SCARF1: variants seen among roughly 807,000 people sequenced by gnomAD.
SCARF1 encodes scavenger receptor class F member 1, also known as acetyl LDL receptor.
SCARF1 carries 49 observed loss-of-function variants against 76.3 expected under a neutral mutation model. That is an observed-to-expected ratio of 0.64 (90% CI 0.51 to 0.81). The LOEUF is 0.81. SCARF1 is among the 40% of genes least tolerant of loss of function. The probability of loss-of-function intolerance (pLI) is 0.00; values close to 1 mark genes in which losing one functional copy is unlikely to be tolerated. For missense variants in SCARF1, 1,098 were observed against 1,143.9 expected, an observed-to-expected ratio of 0.96 and a Z score of 0.58; for synonymous variants, 495 against 474.6, an observed-to-expected ratio of 1.04 and a Z score of -0.56.
chr17:1,638,561 T>A, intron 8 of SCARF1: 1 of 350,454 alleles, frequency 2.9e-6, no homozygotes, highest in Non-Finnish European at 5.1e-6. Context: ...CTCCAGTGTC[T>A]CCAGGCCACG....
rs1909891655 is a variant in SCARF1, at chr17:1,639,912, C to CAG, written c.1138_1139insCT (p.Ser380ThrfsTer88). 2 of 1,613,088 alleles carry CAG rather than the reference C, an allele frequency of 1.2e-6. No individual in the cohort carries two copies. Among genetic ancestry groups the CAG allele is most frequent in the African/African-American group, 2.7e-5 (2 of 74,918 alleles). On this transcript the variant is annotated frameshift_variant and splice_region_variant, in exon 6 of 11. Transcript: ENST00000263071. LOFTEE classifies it high-confidence loss of function. Reference sequence around the variant, plus strand: ...CCGCCCCCGGGATCCCCATCCTTACCTGGGCCCCCAGTAGCCGGCACTGCA... The same window carrying CAG: ...CCGCCCCCGGGATCCCCATCCTTACCAGTGGGCCCCCAGTAGCCGGCACTGCA...
chr17:1,643,656 G>T lies in SCARF1; in HGVS notation c.577C>A (p.Arg193Ser). Residue 193 changes from arginine to serine, a missense_variant, in exon 4 of 11, where the codon CGC becomes AGC. Physicochemically the swap from Arg to Ser is moderately radical, Grantham distance 110 (BLOSUM62 -1). Transcript: ENST00000263071. Reference protein sequence around the residue: ...PGWWGRRCSFRCNCHGSPCEQ... With the variant: ...PGWWGRRCSFSCNCHGSPCEQ... ...CACGGGGAGCCGTGGCAGTTGCAGCGGAAGCTGCAGCGGCGCCCCCACCAG... is the reference window on the plus strand; with the variant it reads ...CACGGGGAGCCGTGGCAGTTGCAGCTGAAGCTGCAGCGGCGCCCCCACCAG... 1 of 1,471,454 alleles carries T rather than the reference G, an allele frequency of 6.8e-7. No individual in the cohort carries two copies. The highest frequency in any genetic ancestry group is 8.9e-7 in the Non-Finnish European group (1 of 1,118,878). 91.1% of individuals were successfully genotyped at this position (1,471,454 alleles called of 1,614,324 possible).
At chr17:1,639,173 C>A (rs535610036) in intron 7 of SCARF1, among the ~76,000 whole-genome samples, 1 of 152,296 alleles carries the variant, frequency 6.6e-6, no homozygotes, top group African/African-American at 2.4e-5. Context: ...GTCACATCTT[C>A]AGGGGGCCCC....
rs780169571 is a variant in SCARF1, at chr17:1,634,720, A to T, written c.*38T>A. The T allele has an allele frequency of 9.7e-6, 15 of 1,549,664 alleles. 1 individual carries two copies. The South Asian group carries it at 1.8e-4, about 19-fold the overall frequency. On this transcript the variant is annotated 3_prime_UTR_variant, in exon 11 of 11. Coordinates refer to ENST00000263071, the MANE Select transcript of SCARF1 (RefSeq NM_003693.4). The stretch of plus-strand genomic sequence containing the variant: ...CATTTTCCAGCACACAGCACAGTCT[A>T]GTCCATCCACTCTCCCCACTCCCCA...
rs754452399 is a variant in SCARF1, at chr17:1,640,497, G to A, written c.961C>T (p.Pro321Ser). The A allele has an allele frequency of 1.1e-5, 18 of 1,581,324 alleles. No homozygotes were observed. In the Admixed American group the frequency reaches 3.2e-4, roughly 28 times the overall value. The change falls in exon 5 of 11, where the codon CCA becomes TCA. Residue 321 changes from proline (P) to serine (S), a missense_variant. Coordinates refer to ENST00000263071, the MANE Select transcript of SCARF1 (RefSeq NM_003693.4). The surrounding 1 kb of genome is among the most constrained non-coding windows in gnomAD (Gnocchi z 4.7). ...CAGCGCTGACAGTGGCCAGTATCTGGCTCACAGGCCTCCCCATGTCGGCAG... is the reference window on the plus strand; with the variant it reads ...CAGCGCTGACAGTGGCCAGTATCTGACTCACAGGCCTCCCCATGTCGGCAG... The part of the protein sequence containing the change: ...PHCRHGEACE[P>S]DTGHCQRCDP...
chr17:1,637,239 G>C (rs1010859349), intron 8 of SCARF1, among the ~76,000 whole-genome samples, 177 bp from the exon 9 acceptor site: 1 of 152,094 alleles, frequency 6.6e-6, no homozygotes, highest in Non-Finnish European at 1.5e-5. Flanking sequence ...ACAGAACAAA[G>C]AGTGGCTCTA....
Position 1,634,995 on chromosome 17 carries a change from C to G in SCARF1, c.2256G>C (p.Gln752His). The change falls in exon 11 of 11, where the codon CAG (glutamine) becomes CAC (histidine). Residue 752 changes from glutamine (Q) to histidine (H), a missense_variant. Coordinates refer to ENST00000263071, the MANE Select transcript of SCARF1 (RefSeq NM_003693.4). ...CAGCTTTTGGGGCTGAGTTGGGGCT[C>G]TGGCCGACAGAGCCAGAGGCAAGGC... Reference protein sequence around the residue: ...SPGLASGSVGQSPNSAPKAGL... With the variant: ...SPGLASGSVGHSPNSAPKAGL... 1 of 1,613,886 alleles carries G rather than the reference C, an allele frequency of 6.2e-7. No individual in the cohort carries two copies. Among genetic ancestry groups the G allele is most frequent in the African/African-American group, 1.3e-5 (1 of 75,066 alleles).
chr17:1,640,679 G>C lies in SCARF1; in HGVS notation c.792-13C>G. 2 of 1,606,770 alleles carry C rather than the reference G, an allele frequency of 1.2e-6. No homozygotes were observed. Among genetic ancestry groups the C allele is most frequent in the African/African-American group, 2.7e-5 (2 of 74,864 alleles). ...GCAGCGGCCACAGCTGGGAAGAGAAGGGCTTCGTGGGAACAGTGGGGGTGG... is the reference window on the plus strand; with the variant it reads ...GCAGCGGCCACAGCTGGGAAGAGAACGGCTTCGTGGGAACAGTGGGGGTGG... On this transcript the variant is annotated splice_polypyrimidine_tract_variant and intron_variant, in intron 4 of 10. Transcript: ENST00000263071. This position sits in a 1 kb window ranked among gnomAD's most constrained non-coding sequence, Gnocchi z 4.7.
In SCARF1 at chr17:1,645,391, C is replaced by T; in HGVS notation, c.102-152G>A. 4 of 1,384,658 alleles carry T rather than the reference C, an allele frequency of 2.9e-6. No individual in the cohort carries two copies. The highest frequency in any genetic ancestry group is 3.9e-6 in the Non-Finnish European group (4 of 1,019,294). 85.8% of individuals were successfully genotyped at this position (1,384,658 alleles called of 1,614,324 possible). On this transcript the variant is annotated intron_variant, in intron 1 of 10. Transcript: ENST00000263071. The surrounding 1 kb of genome is among the most constrained non-coding windows in gnomAD (Gnocchi z 6.3). ...TTTACAGCTAGGGTCCCCAGCCCCT[C>T]CCCTCTCCTTCCCTGACCCTTCCAC...
chr17:1,635,517 G>A lies in SCARF1; in HGVS notation c.1734C>T (p.Arg578=), dbSNP rs1308700052. The change falls in exon 11 of 11, where the codon CGC becomes CGT. Residue 578 remains arginine, a synonymous_variant. Coordinates refer to ENST00000263071, the MANE Select transcript of SCARF1 (RefSeq NM_003693.4). ...EDASTPFAIP[R]TSSLARAKRP... Reference sequence around the variant, plus strand: ...GCTTGGCCCGAGCTAGGCTGGAGGTGCGCGGGATGGCGAATGGCGTGGAGG... The same window carrying A: ...GCTTGGCCCGAGCTAGGCTGGAGGTACGCGGGATGGCGAATGGCGTGGAGG... 17 of 1,613,662 alleles carry A rather than the reference G, an allele frequency of 1.1e-5. No individual in the cohort carries two copies. Among genetic ancestry groups the A allele is most frequent in the Non-Finnish European group, 1.4e-5 (16 of 1,179,984 alleles).
Position 1,645,511 on chromosome 17 carries a change from G to T in SCARF1, c.101+86C>A. ...TTCCTAGTCTCCTCCTTCCCCTAAC[G>T]GCCTCAACACCGGTTCAGCCACCCG... is the stretch of plus-strand genomic sequence containing the variant. On this transcript the variant is annotated intron_variant, in intron 1 of 10. Coordinates refer to ENST00000263071, the MANE Select transcript of SCARF1 (RefSeq NM_003693.4). The surrounding 1 kb of genome is among the most constrained non-coding windows in gnomAD (Gnocchi z 6.3). The T allele has an allele frequency of 6.5e-7, 1 of 1,542,672 alleles. No homozygotes were observed. The highest frequency in any genetic ancestry group is 8.7e-7 in the Non-Finnish European group (1 of 1,150,934).
rs890255581 is a variant in SCARF1, at chr17:1,643,716, C to G, written c.517G>C (p.Glu173Gln). Residue 173 changes from glutamate to glutamine, a missense_variant, in exon 4 of 11, where the codon GAG becomes CAG. By Grantham distance (29) the Glu-to-Gln change is conservative. Transcript: ENST00000263071. ...CQCNTAAARC[E>Q]QATGACVCKP... Reference sequence around the variant, plus strand: ...CACACGCAGGCGCCCGTGGCCTGCTCGCAGCGCGCCGCCGCGGTGTTGCAC... The same window carrying G: ...CACACGCAGGCGCCCGTGGCCTGCTGGCAGCGCGCCGCCGCGGTGTTGCAC... 1 of 1,336,398 alleles carries G rather than the reference C, an allele frequency of 7.5e-7. No individual in the cohort carries two copies. Among genetic ancestry groups the G allele is most frequent in the Non-Finnish European group, 9.5e-7 (1 of 1,050,820 alleles). The allele number at this position is 1,336,398 out of a possible 1,614,324, so 82.8% of individuals were successfully genotyped here.
In SCARF1 at chr17:1,636,886, G is replaced by A. The variant is rs376235616; in HGVS notation, c.1487-31C>T. 5.6e-5 allele frequency: 91 copies of A among 1,613,742 alleles called. No homozygotes were observed. The African/African-American group carries it at 1.1e-3, about 20-fold the overall frequency. On this transcript the variant is annotated intron_variant, in intron 9 of 10. Coordinates refer to ENST00000263071, the MANE Select transcript of SCARF1 (RefSeq NM_003693.4). ...GAGACTCCAGATCAGGCGCCTGCAG[G>A]ACCTGATGCAAAGCCCTGTCCAATC...
rs1323272769 is a variant in SCARF1, at chr17:1,640,276, C to G, written c.1010+172G>C. ...GCCTCAGAGGGGAGGGAGCTGGGATCCTGCCCAGGCCCCCCCAGAACCCAC... is the reference window on the plus strand; with the variant it reads ...GCCTCAGAGGGGAGGGAGCTGGGATGCTGCCCAGGCCCCCCCAGAACCCAC... On this transcript the variant is annotated intron_variant, in intron 5 of 10. Transcript: ENST00000263071. The surrounding 1 kb of genome is among the most constrained non-coding windows in gnomAD (Gnocchi z 4.7). The G allele has an allele frequency of 3.9e-6, 3 of 774,668 alleles. No homozygotes were observed. In the East Asian group the frequency reaches 8.1e-5, roughly 21 times the overall value. 48.0% of individuals were successfully genotyped at this position (774,668 alleles called of 1,614,324 possible). A position where few individuals can be genotyped will look rare whatever the true frequency, so the allele number is the denominator to read the frequency against.
chr17:1,637,662 G>A (rs921882629), intron 8 of SCARF1, among the ~76,000 whole-genome samples: 1 of 152,058 alleles, frequency 6.6e-6, no homozygotes, highest in African/African-American at 2.4e-5. Context: ...AGTAGAGACG[G>A]GGTTTCACCA....
In SCARF1 at chr17:1,634,265, T is replaced by G. The variant is rs1909321715; in HGVS notation, c.*493A>C. 1 of 193,480 alleles carries G rather than the reference T, an allele frequency of 5.2e-6. No homozygotes were observed. The highest frequency in any genetic ancestry group is 1.2e-4 in the East Asian group (1 of 8,344). The allele number at this position is 193,480 out of a possible 1,614,324, so 12.0% of individuals were successfully genotyped here. The stretch of plus-strand genomic sequence containing the variant: ...TTAGCCAAGCGTGGTGGAGGGCACC[T>G]GTAGTCCCAGCTACTCGGGAGGCTG... On this transcript the variant is annotated 3_prime_UTR_variant, in exon 11 of 11. Coordinates refer to ENST00000263071, the MANE Select transcript of SCARF1 (RefSeq NM_003693.4).
Position 1,645,730 on chromosome 17 carries a change from T to G in SCARF1, c.-33A>C, listed in dbSNP as rs1266515653. ...AGCTCGGTGGGAGCGCTCGGGTTCGTCTGGCCCCCACAGCTCCCAACCCCC... is the reference window on the plus strand; with the variant it reads ...AGCTCGGTGGGAGCGCTCGGGTTCGGCTGGCCCCCACAGCTCCCAACCCCC... On this transcript the variant is annotated 5_prime_UTR_variant, in exon 1 of 11. Coordinates refer to ENST00000263071, the MANE Select transcript of SCARF1 (RefSeq NM_003693.4). The surrounding 1 kb of genome is among the most constrained non-coding windows in gnomAD (Gnocchi z 6.3). 5.8e-6 allele frequency: 9 copies of G among 1,561,790 alleles called. No homozygotes were observed. Among genetic ancestry groups the G allele is most frequent in the African/African-American group, 1.4e-5 (1 of 73,602 alleles).
intron 7 of SCARF1, among the ~76,000 whole-genome samples, chr17:1,639,243 C>T (rs374557168): frequency 5.9e-5 from 9 of 152,348 alleles, no homozygotes; most frequent in South Asian, 2.1e-4. Context: ...CAGTGGCTCA[C>T]GTCTGTAATC....
In SCARF1 at chr17:1,640,221, C is replaced by T. The variant is rs1909924014; in HGVS notation, c.1011-181G>A. 1 of 806,716 alleles carries T rather than the reference C, an allele frequency of 1.2e-6. No homozygotes were observed. The highest frequency in any genetic ancestry group is 1.7e-5 in the African/African-American group (1 of 57,750). The allele number at this position is 806,716 out of a possible 1,614,324, so 50.0% of individuals were successfully genotyped here. A position where few individuals can be genotyped will look rare whatever the true frequency, so the allele number is the denominator to read the frequency against. The stretch of plus-strand genomic sequence containing the variant: ...GCCAAATCCAGCAGGTGACAGACTA[C>T]AAGTCCCCAGAGGGCGAGGAGGGCA... On this transcript the variant is annotated intron_variant, in intron 5 of 10. Transcript: ENST00000263071. The surrounding 1 kb of genome is among the most constrained non-coding windows in gnomAD (Gnocchi z 4.7).
Sources: gnomAD v4.1 joint callset for allele counts (sites outside exome capture counted in the v4.1 genomes callset) on GRCh38, gnomAD v4.1.1 for gene constraint, Gnocchi (gnomAD v3.1) non-coding constraint, MANE v1.5 for transcripts, NCBI Gene and HGNC (gene_info 2026-07-23, HGNC 2026-07-21) for gene names.